The following NMNAT1 variants were observed in gnomAD, a reference collection of about 807,000 sequenced individuals.
The protein encoded by NMNAT1 is nicotinamide/nicotinic acid mononucleotide adenylyltransferase 1.
NMNAT1 carries 11 observed loss-of-function variants against 16.7 expected under a neutral mutation model. That is an observed-to-expected ratio of 0.66 (90% CI 0.41 to 1.09). The LOEUF is 1.09. Ranked by LOEUF, NMNAT1 falls within the 50% of genes least tolerant of loss-of-function variation. The pLI, the probability that NMNAT1 is intolerant of heterozygous loss-of-function variation, is 0.00. For missense variants in NMNAT1, 280 were observed against 332.3 expected, an observed-to-expected ratio of 0.84 and a Z score of 1.22; for synonymous variants, 110 against 119.8, an observed-to-expected ratio of 0.92 and a Z score of 0.53.
intron 1 of NMNAT1, among the ~76,000 whole-genome samples, chr1:9,956,236 C>G (rs140353747): frequency 0.016 from 2,313 of 146,406 alleles, 58 homozygotes; most frequent in African/African-American, 0.054. Context: ...GTGGTGCGAT[C>G]TCTGCTCACT....
At chr1:9,988,817 C>T (rs149694992), downstream of NMNAT1, among the ~76,000 whole-genome samples, 10,799 of 151,208 alleles carry the variant, frequency 0.071, 585 homozygotes, top group East Asian at 0.22. Context: ...AGGCGTGTGC[C>T]ACCACACCCA....
intron 1 of NMNAT1, among the ~76,000 whole-genome samples, chr1:9,967,223 C>T (rs201172884): frequency 2.0e-5 from 3 of 151,684 alleles, no homozygotes; most frequent in African/African-American, 7.3e-5. Flanking sequence ...AACTAAGTCC[C>T]CCCGGCTCCC....
rs1641977559 is a variant in NMNAT1, at chr1:9,982,800, TA to T, written c.*102del. 1 of 1,284,288 alleles carries T rather than the reference TA, an allele frequency of 7.8e-7. No individual in the cohort carries two copies. The highest frequency in any genetic ancestry group is 1.5e-5 in the South Asian group (1 of 65,488). 79.6% of individuals were successfully genotyped at this position (1,284,288 alleles called of 1,614,324 possible). On this transcript the variant is annotated 3_prime_UTR_variant, in exon 5 of 5. Coordinates refer to ENST00000377205, the MANE Select transcript of NMNAT1 (RefSeq NM_022787.4). ...AGAAGTTGTGATCTGTTGCCTAAACTAAAGCTTAAAAGTTTAGTAAAAATCG... is the reference window on the plus strand; with the variant it reads ...AGAAGTTGTGATCTGTTGCCTAAACTAAGCTTAAAAGTTTAGTAAAAATCG...
In NMNAT1 at chr1:9,972,083, T is replaced by G; in HGVS notation, c.10T>G (p.Ser4Ala). 1 of 1,594,688 alleles carries G rather than the reference T, an allele frequency of 6.3e-7. No individual in the cohort carries two copies. The change falls in exon 2 of 5, where the codon TCC becomes GCC. Residue 4 changes from serine (S) to alanine (A), a missense_variant. Physicochemically the swap from Ser to Ala is moderately conservative, Grantham distance 99. Coordinates refer to ENST00000377205, the MANE Select transcript of NMNAT1 (RefSeq NM_022787.4). ...ACTTCAAGTTCTTACCATGGAAAAT[T>G]CCGAGAAGACTGAAGTGGTTCTCCT... is the stretch of plus-strand genomic sequence containing the variant. Reference protein sequence around the residue: MENSEKTEVVLLAC... With the variant: MENAEKTEVVLLAC...
chr1:9,956,420 C>CTT (rs758331917), intron 1 of NMNAT1, among the ~76,000 whole-genome samples: 1,240 of 117,534 alleles, frequency 0.011, 22 homozygotes, highest in African/African-American at 0.019. Flanking sequence ...ATTGGTCTAC[C>CTT]TTTTTTTTTT....
In NMNAT1 at chr1:9,980,934, G is replaced by A. The variant is rs1051573100; in HGVS notation, c.300-97G>A. 3.2e-5 allele frequency: 44 copies of A among 1,359,178 alleles called. 1 individual carries two copies. The highest frequency in any genetic ancestry group is 4.3e-5 in the Non-Finnish European group (44 of 1,012,376). 84.2% of individuals were successfully genotyped at this position (1,359,178 alleles called of 1,614,324 possible). ...GCCTCCCAAAGTGCTGGGATTACAG[G>A]TGTGAGCCACTGTGCCCAGCTATAA... On this transcript the variant is annotated intron_variant, in intron 3 of 4. Transcript: ENST00000377205.
chr1:9,957,543 G>A (rs987080419), intron 1 of NMNAT1, among the ~76,000 whole-genome samples: 63 of 126,824 alleles, frequency 5.0e-4, no homozygotes, highest in African/African-American at 1.8e-3. Flanking sequence ...TCCACGCCTC[G>A]GCTTCCCAAA....
intron 3 of NMNAT1, among the ~76,000 whole-genome samples, chr1:9,977,447 A>G (rs1641839984): frequency 6.6e-6 from 1 of 152,048 alleles, no homozygotes; most frequent in African/African-American, 2.4e-5. Flanking sequence ...TCTGTTTAGT[A>G]TCTGTTCTTA....
At position 9,983,491 on chromosome 1, in the gene NMNAT1, C is replaced by T. The variant is rs1460436012; in HGVS notation, c.*790C>T. The stretch of plus-strand genomic sequence containing the variant: ...CCAATATGGTGAAACCCCATCTCTA[C>T]TAAGAATACAAAAAATTAGCTGAGC... On this transcript the variant is annotated 3_prime_UTR_variant, in exon 5 of 5. Coordinates refer to ENST00000377205, the MANE Select transcript of NMNAT1 (RefSeq NM_022787.4). 1 of 151,748 alleles carries T rather than the reference C, an allele frequency of 6.6e-6. No individual in the cohort carries two copies. Among genetic ancestry groups the T allele is most frequent in the Non-Finnish European group, 1.5e-5 (1 of 68,054 alleles). The allele number at this position is 151,748 out of a possible 1,614,324, so 9.4% of individuals were successfully genotyped here.
At chr1:9,947,658 A>C (rs1345206936) in intron 1 of NMNAT1, 1 of 152,146 alleles carries the variant, frequency 6.6e-6, no homozygotes, top group East Asian at 1.9e-4. Context: ...TTAGGCCAAA[A>C]ACTTTTGGAG....
chr1:9,996,359 G>C, the NMNAT1 span, among the ~76,000 whole-genome samples: 1 of 150,030 alleles, frequency 6.7e-6, no homozygotes, highest in Non-Finnish European at 1.5e-5. Context: ...TGTCTCAAAA[G>C]AAAAAAAATA....
chr1:9,954,760 A>G (rs1312876826), intron 1 of NMNAT1, among the ~76,000 whole-genome samples: 1 of 151,192 alleles, frequency 6.6e-6, no homozygotes, highest in African/African-American at 2.4e-5. Context: ...GTGACACCCC[A>G]TCTCTACTAA....
downstream of NMNAT1, among the ~76,000 whole-genome samples, chr1:9,989,017 A>G (rs1642078413): frequency 6.6e-6 from 1 of 152,146 alleles, no homozygotes; most frequent in African/African-American, 2.4e-5. Flanking sequence ...AATTCTGGGC[A>G]GAAGAGGGTG....
chr1:9,953,273 G>A (rs957962080), intron 1 of NMNAT1, among the ~76,000 whole-genome samples: 2 of 146,226 alleles, frequency 1.4e-5, no homozygotes, highest in African/African-American at 2.6e-5. Context: ...GCCACTGTGC[G>A]CGGGCTTTTT....
At chr1:9,990,358 C>T (rs575437696), downstream of NMNAT1, among the ~76,000 whole-genome samples, 4 of 152,246 alleles carry the variant, frequency 2.6e-5, no homozygotes, top group South Asian at 2.1e-4. Context: ...CACCAGTAGC[C>T]AGGCTTCCTA....
At chr1:9,960,570 G>A (rs1334156740) in intron 1 of NMNAT1, 5 of 152,178 alleles carry the variant, frequency 3.3e-5, no homozygotes, top group Admixed American at 1.3e-4. Context: ...TCAGCCTCCC[G>A]AGTGGCTGGG....
the NMNAT1 span, among the ~76,000 whole-genome samples, chr1:9,994,102 T>C: frequency 5.0e-4 from 3 of 6,006 alleles, no homozygotes; most frequent in Non-Finnish European, 9.0e-3. Flanking sequence ...AAATGTTAGC[T>C]TTTTTTTTTT....
chr1:9,970,524 C>T (rs978190906), intron 1 of NMNAT1, among the ~76,000 whole-genome samples: 2 of 151,878 alleles, frequency 1.3e-5, no homozygotes, highest in Non-Finnish European at 2.9e-5. Flanking sequence ...CCCGTCTCTA[C>T]TAAAAATACA....
chr1:9,972,052 T>A lies in NMNAT1; in HGVS notation c.-22T>A. The A allele has an allele frequency of 8.0e-7, 1 of 1,246,248 alleles. No homozygotes were observed. Among genetic ancestry groups the A allele is most frequent in the East Asian group, 2.3e-5 (1 of 43,246 alleles). The allele number at this position is 1,246,248 out of a possible 1,614,324, so 77.2% of individuals were successfully genotyped here. On this transcript the variant is annotated 5_prime_UTR_variant, in exon 2 of 5. Transcript: ENST00000377205. ...GAGGTGTCACAGTTTTCCATTTAGA[T>A]CAACAACTTCAAGTTCTTACCATGG...
Sources: gnomAD v4.1 joint callset for allele counts (sites outside exome capture counted in the v4.1 genomes callset) on GRCh38, gnomAD v4.1.1 for gene constraint, MANE v1.5 for transcripts, NCBI Gene and HGNC (gene_info 2026-07-23, HGNC 2026-07-21) for gene names.